The following GABRB1 variants were observed in gnomAD, a reference collection of about 807,000 sequenced individuals.
GABRB1 encodes gamma-aminobutyric acid receptor subunit beta-1.
GABRB1 carries 17 observed loss-of-function variants against 51.6 expected under a neutral mutation model. The observed-to-expected ratio is 0.33, with a 90% CI of 0.23 to 0.49. The LOEUF (loss-of-function observed/expected upper bound fraction) is 0.49, where lower values mean the gene tolerates loss of function less well. Ranked by LOEUF, GABRB1 falls within the 20% of genes least tolerant of loss-of-function variation. The probability of loss-of-function intolerance (pLI) is 0.99; values close to 1 mark genes in which losing one functional copy is unlikely to be tolerated. For missense variants in GABRB1, 410 were observed against 600.6 expected (o/e 0.68, Z 3.32); for synonymous variants, 247 against 218.9 (o/e 1.13, Z -1.14).
At chr4:47,363,945 G>A (rs1291709966) in intron 5 of GABRB1, among the ~76,000 whole-genome samples, 1 of 152,148 alleles carries the variant, frequency 6.6e-6, no homozygotes, top group Non-Finnish European at 1.5e-5. Context: ...CACTTAATCA[G>A]GACAGAGAAT....
chr4:47,146,736 T>C (rs1261676133), intron 3 of GABRB1, among the ~76,000 whole-genome samples: 2 of 152,090 alleles, frequency 1.3e-5, no homozygotes, highest in Non-Finnish European at 2.9e-5. Context: ...GCTCACTTTC[T>C]GGGATTTTTG....
intron 3 of GABRB1, among the ~76,000 whole-genome samples, chr4:47,144,416 A>T (rs949422414): frequency 6.6e-6 from 1 of 152,008 alleles, no homozygotes; most frequent in Non-Finnish European, 1.5e-5. Flanking sequence ...CAGACATGTC[A>T]TAACTTCAGA....
At chr4:47,177,662 C>T (rs1404977375) in intron 4 of GABRB1, among the ~76,000 whole-genome samples, 1 of 152,048 alleles carries the variant, frequency 6.6e-6, no homozygotes, top group African/African-American at 2.4e-5. Flanking sequence ...GATTTGGAAT[C>T]AAATGAGAAC....
At chr4:47,351,988 A>G (rs1293005920) in intron 5 of GABRB1, among the ~76,000 whole-genome samples, 18 of 151,956 alleles carry the variant, frequency 1.2e-4, no homozygotes, top group East Asian at 9.7e-4. Context: ...TCGCCACACT[A>G]ACTTCCACAA....
intron 5 of GABRB1, among the ~76,000 whole-genome samples, chr4:47,364,798 G>A (rs776594981): frequency 1.3e-4 from 20 of 151,938 alleles, no homozygotes; most frequent in Admixed American, 1.1e-3. Context: ...TAGAAGATGC[G>A]CATAAAATTC....
chr4:47,022,708 T>C (rs977522088), intron 1 of GABRB1, among the ~76,000 whole-genome samples: 12 of 152,100 alleles, frequency 7.9e-5, no homozygotes, highest in Admixed American at 2.6e-4. Flanking sequence ...GGTGAGAATG[T>C]AAATTAGTAC....
upstream of GABRB1, among the ~76,000 whole-genome samples, chr4:47,029,321 T>A (rs1725206801): frequency 6.6e-6 from 1 of 151,996 alleles, no homozygotes; most frequent in Admixed American, 6.6e-5. Flanking sequence ...AAAGCCAATT[T>A]TTAATATTCT....
intron 4 of GABRB1, among the ~76,000 whole-genome samples, chr4:47,249,908 C>A (rs1181382667): frequency 6.6e-6 from 1 of 152,058 alleles, no homozygotes; most frequent in African/African-American, 2.4e-5. Flanking sequence ...TTATGTGGAG[C>A]ATTTAGGCCA....
At chr4:47,324,444 A>G (rs1446939248) in intron 5 of GABRB1, among the ~76,000 whole-genome samples, 2 of 152,146 alleles carry the variant, frequency 1.3e-5, no homozygotes, top group Non-Finnish European at 2.9e-5. Context: ...TTCTCATCTT[A>G]AAACACCTCC....
chr4:47,279,406 A>C (rs1300459009), intron 4 of GABRB1, among the ~76,000 whole-genome samples: 1 of 152,160 alleles, frequency 6.6e-6, no homozygotes, highest in African/African-American at 2.4e-5. Context: ...ATTCAGGATA[A>C]ATATTGCTTC....
chr4:47,157,120 A>G (rs938600596), intron 3 of GABRB1, among the ~76,000 whole-genome samples: 3 of 152,090 alleles, frequency 2.0e-5, no homozygotes, highest in Non-Finnish European at 4.4e-5. Flanking sequence ...ATATCCATTA[A>G]TCACATTAAC....
chr4:47,302,514 T>C (rs1724298449), intron 4 of GABRB1, among the ~76,000 whole-genome samples: 1 of 152,012 alleles, frequency 6.6e-6, no homozygotes, highest in South Asian at 2.1e-4. Context: ...TTTTAAAATA[T>C]ACAAAATTCA....
chr4:47,291,245 A>G (rs1324348405), intron 4 of GABRB1, among the ~76,000 whole-genome samples: 5 of 152,182 alleles, frequency 3.3e-5, no homozygotes. Flanking sequence ...AGGCCTTGGC[A>G]GCTTCCATGT....
At chr4:47,381,882 C>G (rs1307705314) in intron 5 of GABRB1, among the ~76,000 whole-genome samples, 1 of 152,160 alleles carries the variant, frequency 6.6e-6, no homozygotes, top group Non-Finnish European at 1.5e-5. Context: ...CCAACAGTTT[C>G]TAAACCAAAG....
Position 47,009,021 on chromosome 4 carries a change from G to A in GABRB1, c.-20+15095G>A, listed in dbSNP as rs886133836. Among the ~76,000 whole-genome samples the A allele has an allele frequency of 9.5e-5, 14 of 147,380 alleles. No individual in the cohort carries two copies. In the East Asian group the frequency reaches 1.4e-3, roughly 15 times the overall value. ...TGGGACTACAGGCGCCCACCACCAC[G>A]CCCGGCTAATTTTTTGTATTTTTTA... is the stretch of plus-strand genomic sequence containing the variant. On this transcript the variant is annotated intron_variant, in intron 1 of 3. Transcript: ENST00000513567.
At chr4:47,097,492 AT>A (rs67394751) in intron 3 of GABRB1, among the ~76,000 whole-genome samples, 17,140 of 151,960 alleles carry the variant, frequency 0.11, 1,269 homozygotes, top group African/African-American at 0.21. Flanking sequence ...TTCCTATCCA[AT>A]TTTCTTGCTC....
chr4:47,043,678 A>G (rs1189438061), intron 3 of GABRB1, among the ~76,000 whole-genome samples: 1 of 152,084 alleles, frequency 6.6e-6, no homozygotes, highest in Non-Finnish European at 1.5e-5. Context: ...TAACCTGTTC[A>G]ATTTCACTGA....
At chr4:47,032,127 GGCACACACAC>G (rs1252948344) in intron 2 of GABRB1, 122 bp downstream of exon 2, 88 of 580,486 alleles carry the variant, frequency 1.5e-4, no homozygotes, top group Non-Finnish European at 2.1e-4. Context: ...CTATACCCTG[GGCACACACAC>G]ACACACACAC....
chr4:47,027,916 A>G (rs1278788622), upstream of GABRB1, among the ~76,000 whole-genome samples: 2 of 151,712 alleles, frequency 1.3e-5, no homozygotes, highest in African/African-American at 4.8e-5. Flanking sequence ...CATGCATCCA[A>G]TAACATATTA....
Sources: gnomAD v4.1 joint callset for allele counts (sites outside exome capture counted in the v4.1 genomes callset) on GRCh38, gnomAD v4.1.1 for gene constraint, MANE v1.5 for transcripts, NCBI Gene and HGNC (gene_info 2026-07-23, HGNC 2026-07-21) for gene names.